Variants in SPATA13 observed in about 807,000 individuals in gnomAD.
SPATA13 encodes spermatogenesis associated 13.
SPATA13 carries 50 observed loss-of-function variants against 104.0 expected under a neutral mutation model. The ratio of observed to expected loss-of-function variants is 0.48; its 90% CI spans 0.38 to 0.61. The LOEUF is 0.61. SPATA13 is among the 20% of genes least tolerant of loss of function. The pLI, the probability that SPATA13 is intolerant of heterozygous loss-of-function variation, is 0.00. For missense variants in SPATA13, 1,524 were observed against 1,690.6 expected, an observed-to-expected ratio of 0.90 and a Z score of 1.73; for synonymous variants, 606 against 667.5, an observed-to-expected ratio of 0.91 and a Z score of 1.42.
rs1434520684 is a variant in SPATA13 at position 24,286,799 on chromosome 13, CCAG to C, written c.2522_2524del (p.Ser841del). On this transcript the variant is annotated inframe_deletion, in exon 7 of 13. Coordinates refer to ENST00000382108, the MANE Select transcript of SPATA13 (RefSeq NM_001166271.3). This position sits in a 1 kb window ranked among gnomAD's most constrained non-coding sequence, Gnocchi z 4.9. ...AATCAGGAAGAGCTGTCGGAAAACT[CCAG>C]CAGCACCCCCAGTGAGGAGCAGGAC... 2.5e-6 allele frequency: 4 copies of C among 1,613,640 alleles called. No homozygotes were observed. The highest frequency in any genetic ancestry group is 3.4e-6 in the Non-Finnish European group (4 of 1,179,950).
intron 3 of SPATA13, among the ~76,000 whole-genome samples, chr13:24,043,835 G>A (rs1269486724): frequency 6.6e-6 from 1 of 152,096 alleles, no homozygotes; most frequent in African/African-American, 2.4e-5. Context: ...TGACTCTATT[G>A]GAAATGACTG....
chr13:24,073,117 G>A (rs1879224397), intron 3 of SPATA13, among the ~76,000 whole-genome samples: 1 of 152,032 alleles, frequency 6.6e-6, no homozygotes, highest in Non-Finnish European at 1.5e-5. Flanking sequence ...ACCATTTTCT[G>A]GATAACGTCA....
At chr13:24,154,607 G>T (rs1275942709) in intron 3 of SPATA13, among the ~76,000 whole-genome samples, 1 of 152,228 alleles carries the variant, frequency 6.6e-6, no homozygotes, top group Non-Finnish European at 1.5e-5. Context: ...TTTCTATGAT[G>T]TGGAACAAAG....
chr13:24,284,434 G>A (rs938783418), intron 5 of SPATA13, among the ~76,000 whole-genome samples, 163 bp downstream of exon 5: 1 of 152,170 alleles, frequency 6.6e-6, no homozygotes. Context: ...GCCAAGGCAG[G>A]TGGATCATTA....
At chr13:24,127,058 A>G (rs1186009816) in intron 3 of SPATA13, among the ~76,000 whole-genome samples, 2 of 152,228 alleles carry the variant, frequency 1.3e-5, no homozygotes, top group Non-Finnish European at 2.9e-5. Flanking sequence ...TGAAGTTAGT[A>G]ATATTACCTC....
At chr13:24,044,528 T>C (rs1878060514) in intron 3 of SPATA13, among the ~76,000 whole-genome samples, 1 of 152,154 alleles carries the variant, frequency 6.6e-6, no homozygotes, top group Admixed American at 6.5e-5. Context: ...ACTGCTCCTG[T>C]CCTGTTTTTG....
intron 11 of SPATA13, among the ~76,000 whole-genome samples, chr13:24,298,971 T>A (rs1268016705): frequency 6.6e-6 from 1 of 152,138 alleles, no homozygotes; most frequent in Non-Finnish European, 1.5e-5. Flanking sequence ...TGTCAGGGTG[T>A]CCTTTACACT....
intron 4 of SPATA13, among the ~76,000 whole-genome samples, chr13:24,254,874 G>A (rs1282113779): frequency 2.0e-5 from 3 of 151,996 alleles, no homozygotes; most frequent in Non-Finnish European, 4.4e-5. Context: ...GACTAGGAAG[G>A]AAGACTGGCA....
intron 4 of SPATA13, among the ~76,000 whole-genome samples, chr13:24,256,079 A>T (rs1873774469): frequency 6.6e-6 from 1 of 152,250 alleles, no homozygotes; most frequent in Non-Finnish European, 1.5e-5. Context: ...TAGTTGAAAC[A>T]ATATTGGCAA....
chr13:24,095,078 CAG>C (rs966176384), intron 3 of SPATA13, among the ~76,000 whole-genome samples: 8 of 152,184 alleles, frequency 5.3e-5, no homozygotes, highest in Non-Finnish European at 5.9e-5. Flanking sequence ...GAATGAAAAG[CAG>C]AGTCTCAAAG....
intron 3 of SPATA13, among the ~76,000 whole-genome samples, chr13:24,078,556 A>G (rs1289236582): frequency 6.6e-6 from 1 of 152,148 alleles, no homozygotes; most frequent in Non-Finnish European, 1.5e-5. Flanking sequence ...TAACCTCTAG[A>G]AATAATGTGA....
chr13:24,181,687 T>C (rs1429945802), intron 1 of SPATA13, among the ~76,000 whole-genome samples: 6 of 152,028 alleles, frequency 3.9e-5, no homozygotes, highest in Admixed American at 3.9e-4. Context: ...CATAGAGCTG[T>C]CATCTGCTAT....
At chr13:24,191,461 G>A (rs1869740865) in intron 1 of SPATA13, among the ~76,000 whole-genome samples, 2 of 149,476 alleles carry the variant, frequency 1.3e-5, no homozygotes, top group South Asian at 4.2e-4. Flanking sequence ...TATCTCCCAA[G>A]GCATGGCTGT....
chr13:23,988,698 G>C (rs536718232), intron 2 of SPATA13, among the ~76,000 whole-genome samples: 3 of 152,268 alleles, frequency 2.0e-5, no homozygotes, highest in African/African-American at 4.8e-5. Flanking sequence ...ATGGAAAATG[G>C]TGTCTCAGTG....
intron 1 of SPATA13, among the ~76,000 whole-genome samples, chr13:24,200,476 A>G (rs919690080): frequency 1.3e-5 from 2 of 151,700 alleles, no homozygotes; most frequent in African/African-American, 4.9e-5. Context: ...AAATGCTACC[A>G]TTTTCCTTGA....
chr13:24,002,725 G>A (rs9553138), intron 2 of SPATA13, among the ~76,000 whole-genome samples: 23,867 of 152,070 alleles, frequency 0.16, 2,540 homozygotes, highest in East Asian at 0.51. Flanking sequence ...GTGACCCCCC[G>A]AGCACAAGCA....
chr13:24,114,188 T>A (rs951225459), intron 3 of SPATA13, among the ~76,000 whole-genome samples: 3 of 152,240 alleles, frequency 2.0e-5, no homozygotes, highest in Non-Finnish European at 4.4e-5. Context: ...CAGAAACAGC[T>A]TTTGGAGAGA....
chr13:24,249,368 T>A (rs758497661), intron 2 of SPATA13, 109 bp from the exon 3 acceptor site: 13 of 1,345,284 alleles, frequency 9.7e-6, no homozygotes, highest in African/African-American at 1.5e-5. Context: ...AACAAGTAAA[T>A]CAAGAAAACC....
chr13:24,024,015 G>A (rs1226464203), intron 3 of SPATA13, among the ~76,000 whole-genome samples: 1 of 152,226 alleles, frequency 6.6e-6, no homozygotes, highest in Non-Finnish European at 1.5e-5. Context: ...GTCCATGACG[G>A]TGGTGAATAA....
Sources: allele counts gnomAD v4.1 joint callset (sites outside exome capture counted in the v4.1 genomes callset), GRCh38; gene constraint gnomAD v4.1.1; non-coding constraint Gnocchi (gnomAD v3.1); transcripts MANE v1.5; gene names NCBI Gene and HGNC (gene_info 2026-07-23, HGNC 2026-07-21).